Variants in ARHGAP24 observed in about 807,000 individuals in gnomAD.
The protein encoded by ARHGAP24 is Rho GTPase activating protein 24.
A neutral mutation model predicts 76.4 loss-of-function variants in ARHGAP24; 50 were observed. That is an observed-to-expected ratio of 0.65 (90% CI 0.52 to 0.83). The LOEUF is 0.83. Ranked by LOEUF, ARHGAP24 falls within the 40% of genes least tolerant of loss-of-function variation. The probability of loss-of-function intolerance (pLI) is 0.00; values close to 1 mark genes in which losing one functional copy is unlikely to be tolerated. For synonymous variants in ARHGAP24, 345 were observed against 323.3 expected (o/e 1.07, Z -0.72); for missense variants, 930 against 914.2 (o/e 1.02, Z -0.22).
intron 1 of ARHGAP24, among the ~76,000 whole-genome samples, chr4:85,561,625 G>T (rs1726604327): frequency 6.6e-6 from 1 of 152,090 alleles, no homozygotes; most frequent in African/African-American, 2.4e-5. Flanking sequence ...CCTTCTATAT[G>T]TCCTTCTCTG....
intron 2 of ARHGAP24, among the ~76,000 whole-genome samples, chr4:85,694,002 T>C (rs989716843): frequency 6.6e-6 from 1 of 152,136 alleles, no homozygotes; most frequent in Non-Finnish European, 1.5e-5. Flanking sequence ...CTTCACCCAC[T>C]CCTTCCCCAG....
chr4:85,915,341 T>C (rs1735321471), intron 3 of ARHGAP24, among the ~76,000 whole-genome samples: 1 of 152,216 alleles, frequency 6.6e-6, no homozygotes, highest in South Asian at 2.1e-4. Flanking sequence ...GAAAAGTAAA[T>C]GTATCACAAT....
At chr4:85,870,430 C>T (rs1408720918) in intron 3 of ARHGAP24, among the ~76,000 whole-genome samples, 1 of 152,162 alleles carries the variant, frequency 6.6e-6, no homozygotes. Context: ...GAAAGGTAAG[C>T]TCAGTGTACT....
Position 85,890,032 on chromosome 4 carries a change from C to T in ARHGAP24, c.269-33616C>T, listed in dbSNP as rs188437082. Among the ~76,000 whole-genome samples the T allele has an allele frequency of 2.1e-3, 320 of 152,064 alleles. 1 individual carries two copies. The highest frequency in any genetic ancestry group is 3.8e-3 in the Non-Finnish European group (255 of 67,990). ...TTAGGTAATGATGTATATATAGTTT[C>T]CTTCCCATCATGCTGTCAGGGTTGT... is the stretch of plus-strand genomic sequence containing the variant. On this transcript the variant is annotated intron_variant, in intron 3 of 9. Coordinates refer to ENST00000395184, the MANE Select transcript of ARHGAP24 (RefSeq NM_001025616.3).
Position 85,661,771 on chromosome 4 carries a change from G to C in ARHGAP24, c.181-60114G>C, listed in dbSNP as rs533466733. On this transcript the variant is annotated intron_variant, in intron 2 of 9. Coordinates refer to ENST00000395184, the MANE Select transcript of ARHGAP24 (RefSeq NM_001025616.3). Reference sequence around the variant, plus strand: ...CTATGAGTGAGAGCATGCGGTGTTTGGTTTTTTGTCCTTGTGATAGTTTAC... The same window carrying C: ...CTATGAGTGAGAGCATGCGGTGTTTCGTTTTTTGTCCTTGTGATAGTTTAC... Among the ~76,000 whole-genome samples the C allele has an allele frequency of 3.8e-3, 572 of 151,528 alleles. 4 individuals carry two copies. The highest frequency in any genetic ancestry group is 0.013 in the African/African-American group (539 of 41,242).
intron 2 of ARHGAP24, among the ~76,000 whole-genome samples, chr4:85,713,289 G>A (rs1724598075): frequency 6.6e-6 from 1 of 152,070 alleles, no homozygotes; most frequent in African/African-American, 2.4e-5. Context: ...CTGGGTGAAA[G>A]AGTCAGACCC....
At chr4:85,601,938 T>A (rs72982052) in intron 2 of ARHGAP24, among the ~76,000 whole-genome samples, 4,045 of 152,112 alleles carry the variant, frequency 0.027, 171 homozygotes, top group African/African-American at 0.093. Context: ...GCCTAGAAAT[T>A]TCCTAGGAGG....
Position 85,871,874 on chromosome 4 carries a change from G to A in ARHGAP24, c.269-51774G>A, listed in dbSNP as rs115000389. On this transcript the variant is annotated intron_variant, in intron 3 of 9. Coordinates refer to ENST00000395184, the MANE Select transcript of ARHGAP24 (RefSeq NM_001025616.3). The stretch of plus-strand genomic sequence containing the variant: ...TTATCTATGGGTTATATTATCTCTC[G>A]AAGACCTCTAGTTATTGGATGACAT... Among the ~76,000 whole-genome samples the A allele has an allele frequency of 5.7e-3, 864 of 152,154 alleles. 6 individuals carry two copies. The highest frequency in any genetic ancestry group is 0.02 in the African/African-American group (817 of 41,520).
chr4:85,931,574 G>T (rs1404755676), intron 4 of ARHGAP24, among the ~76,000 whole-genome samples: 1 of 152,150 alleles, frequency 6.6e-6, no homozygotes, highest in Non-Finnish European at 1.5e-5. Context: ...GGGAATAGGA[G>T]TCACCCTGAC....
At chr4:85,549,963 A>G (rs992125587) in intron 1 of ARHGAP24, among the ~76,000 whole-genome samples, 3 of 152,198 alleles carry the variant, frequency 2.0e-5, no homozygotes, top group Non-Finnish European at 4.4e-5. Flanking sequence ...ATAGTATTCC[A>G]TGGTACATAT....
intron 2 of ARHGAP24, among the ~76,000 whole-genome samples, chr4:85,703,947 T>A (rs1277942268): frequency 1.3e-5 from 2 of 152,102 alleles, no homozygotes; most frequent in Admixed American, 6.5e-5. Flanking sequence ...TCCCCCACCC[T>A]CAGCCCCTGG....
At chr4:85,634,146 G>A (rs760614721) in intron 2 of ARHGAP24, among the ~76,000 whole-genome samples, 5 of 151,838 alleles carry the variant, frequency 3.3e-5, no homozygotes, top group Non-Finnish European at 7.4e-5. Flanking sequence ...ATCAGTGAAT[G>A]TTATATATTG....
chr4:85,726,276 G>T (rs1725162506), intron 3 of ARHGAP24, among the ~76,000 whole-genome samples: 1 of 151,986 alleles, frequency 6.6e-6, no homozygotes, highest in Non-Finnish European at 1.5e-5. Context: ...TGGATAATGG[G>T]GATAAAACGT....
intron 3 of ARHGAP24, among the ~76,000 whole-genome samples, chr4:85,738,367 T>TCTA (rs375728213): frequency 6.9e-6 from 1 of 144,096 alleles, no homozygotes; most frequent in African/African-American, 2.5e-5. Context: ...CATTTGGGCT[T>TCTA]TTATTATTAT....
At chr4:85,895,968 C>T (rs1225999264) in intron 3 of ARHGAP24, among the ~76,000 whole-genome samples, 2 of 152,138 alleles carry the variant, frequency 1.3e-5, no homozygotes, top group South Asian at 2.1e-4. Flanking sequence ...TGATCAATTA[C>T]GTTAATTCCA....
Position 85,973,616 on chromosome 4 carries a change from G to A in ARHGAP24, c.733-1272G>A, listed in dbSNP as rs1739119023. On this transcript the variant is annotated intron_variant, in intron 6 of 9. Transcript: ENST00000395184. The stretch of plus-strand genomic sequence containing the variant: ...TTTGCTTAATACAAGGTCACAAAGA[G>A]TTACTCCTGTATTTTCTTCTAAGAC... Among the ~76,000 whole-genome samples the A allele has an allele frequency of 2.6e-5, 4 of 152,058 alleles. No homozygotes were observed. In the South Asian group the frequency reaches 8.3e-4, roughly 32 times the overall value.
intron 3 of ARHGAP24, among the ~76,000 whole-genome samples, chr4:85,842,196 G>A (rs941769198): frequency 1.3e-5 from 2 of 152,090 alleles, no homozygotes; most frequent in Non-Finnish European, 2.9e-5. Flanking sequence ...TTGCCCCCCC[G>A]GCTGAATGGG....
chr4:85,882,412 A>G (rs1349396241), intron 3 of ARHGAP24, among the ~76,000 whole-genome samples: 3 of 152,130 alleles, frequency 2.0e-5, no homozygotes, highest in Admixed American at 6.5e-5. Flanking sequence ...TCTAGAATGG[A>G]AAAAGTTCAT....
In ARHGAP24 at chr4:85,924,011, GT is replaced by G. The variant is rs372190456; in HGVS notation, c.391+251del. 8.6e-3 allele frequency among the ~76,000 whole-genome samples: 1,276 copies of G among 147,770 alleles called. 17 individuals are homozygous for G. The highest frequency in any genetic ancestry group is 0.029 in the African/African-American group (1,180 of 40,372). On this transcript the variant is annotated intron_variant, in intron 4 of 9. Coordinates refer to ENST00000395184, the MANE Select transcript of ARHGAP24 (RefSeq NM_001025616.3). ...TATGTTGAATGATAAAAATGGGTGG[GT>G]TTTTTTTTTAGTTTTGGATTTTCCC...
Sources: allele counts gnomAD v4.1 joint callset (sites outside exome capture counted in the v4.1 genomes callset), GRCh38; gene constraint gnomAD v4.1.1; transcripts MANE v1.5; gene names NCBI Gene and HGNC (gene_info 2026-07-23, HGNC 2026-07-21).